The following TTC39A variants were observed in gnomAD, a reference collection of about 807,000 sequenced individuals.
TTC39A encodes the protein tetratricopeptide repeat protein 39A.
Under a neutral mutation model 82.3 loss-of-function variants are expected in TTC39A, and 46 were observed. The observed-to-expected ratio is 0.56, with a 90% CI of 0.44 to 0.71. The LOEUF is 0.71. Among genes scored for constraint, TTC39A ranks in the 30% least tolerant of loss-of-function variants. The probability of loss-of-function intolerance (pLI) is 0.00; values close to 1 mark genes in which losing one functional copy is unlikely to be tolerated. For missense variants in TTC39A, 543 were observed against 712.9 expected, an observed-to-expected ratio of 0.76 and a Z score of 2.71; for synonymous variants, 254 against 275.2, an observed-to-expected ratio of 0.92 and a Z score of 0.76.
At chr1:51,316,181 G>T (rs1168516225) in intron 2 of TTC39A, among the ~76,000 whole-genome samples, 1 of 152,166 alleles carries the variant, frequency 6.6e-6, no homozygotes, top group Non-Finnish European at 1.5e-5. Flanking sequence ...CCAGCACACT[G>T]CCGGGCCCAG....
chr1:51,331,312 A>G, upstream of TTC39A: 1 of 1,538,816 alleles, frequency 6.5e-7, no homozygotes, highest in Non-Finnish European at 8.8e-7. Context: ...CCGAGCCCTG[A>G]GGCGGTGTCT....
At chr1:51,311,431 A>C in intron 4 of TTC39A, 110 bp from the exon 5 acceptor site, 3 of 946,056 alleles carry the variant, frequency 3.2e-6, no homozygotes, top group Non-Finnish European at 4.7e-6. Context: ...CTATGTCAGC[A>C]CCTCTCCTGT....
At chr1:51,327,009 C>T (rs537582326) in intron 1 of TTC39A, among the ~76,000 whole-genome samples, 50 of 152,328 alleles carry the variant, frequency 3.3e-4, no homozygotes, top group African/African-American at 1.2e-3. Flanking sequence ...GAGGCCCAAA[C>T]GAGAAGGGAG....
At chr1:51,333,068 T>A (rs1386466333), upstream of TTC39A, among the ~76,000 whole-genome samples, 8 of 151,872 alleles carry the variant, frequency 5.3e-5, no homozygotes, top group East Asian at 5.8e-4. Context: ...CAAAATTAGA[T>A]AGGCATGGTG....
intron 14 of TTC39A, among the ~76,000 whole-genome samples, chr1:51,292,366 G>A (rs1476020786): frequency 3.3e-5 from 5 of 152,116 alleles, no homozygotes; most frequent in Admixed American, 3.3e-4. Context: ...TTCTAGGAAG[G>A]GAATTTCAGT....
At chr1:51,309,099 G>A (rs940481334) in intron 6 of TTC39A, among the ~76,000 whole-genome samples, 162 bp downstream of exon 6, 4 of 152,200 alleles carry the variant, frequency 2.6e-5, no homozygotes, top group African/African-American at 9.7e-5. Flanking sequence ...GATTCCAGGA[G>A]ACTGAGGTCC....
At chr1:51,309,776 T>C (rs535990571) in intron 5 of TTC39A, among the ~76,000 whole-genome samples, 18 of 152,242 alleles carry the variant, frequency 1.2e-4, no homozygotes, top group African/African-American at 4.1e-4. Flanking sequence ...TGGAAGTTCA[T>C]GATAGCCAAG....
At chr1:51,319,707 T>C (rs80045951) in intron 2 of TTC39A, among the ~76,000 whole-genome samples, 8 of 151,244 alleles carry the variant, frequency 5.3e-5, no homozygotes, top group African/African-American at 1.5e-4. Flanking sequence ...TTTTTTTTTT[T>C]CCAGACAGAG....
intron 1 of TTC39A, among the ~76,000 whole-genome samples, chr1:51,328,527 A>G (rs1345770053): frequency 6.6e-6 from 1 of 152,236 alleles, no homozygotes; most frequent in Non-Finnish European, 1.5e-5. Flanking sequence ...AACAAACTAC[A>G]TATTTTTAAG....
At chr1:51,313,627 A>G (rs540035571) in intron 2 of TTC39A, among the ~76,000 whole-genome samples, 1 of 152,198 alleles carries the variant, frequency 6.6e-6, no homozygotes, top group Non-Finnish European at 1.5e-5. Context: ...AGCCACACTG[A>G]ACCACACAAA....
chr1:51,329,161 T>C (rs1645819518), intron 1 of TTC39A, among the ~76,000 whole-genome samples: 1 of 152,146 alleles, frequency 6.6e-6, no homozygotes, highest in South Asian at 2.1e-4. Flanking sequence ...GGAAGTGGGA[T>C]GAATGTGGTT....
In TTC39A at chr1:51,294,661, G is replaced by T; in HGVS notation, c.1146-150C>A. 8.1e-7 allele frequency: 1 copy of T among 1,240,766 alleles called. No individual in the cohort carries two copies. The highest frequency in any genetic ancestry group is 1.1e-6 in the Non-Finnish European group (1 of 910,530). The allele number at this position is 1,240,766 out of a possible 1,614,324, so 76.9% of individuals were successfully genotyped here. Reference sequence around the variant, plus strand: ...GTGTTAGACTCTAAAGAGCCTTCTAGGTCTGAAATAGCCTGCGGCTATAAT... The same window carrying T: ...GTGTTAGACTCTAAAGAGCCTTCTATGTCTGAAATAGCCTGCGGCTATAAT... On this transcript the variant is annotated intron_variant, in intron 13 of 17. Transcript: ENST00000680483. The surrounding 1 kb of genome is among the most constrained non-coding windows in gnomAD (Gnocchi z 4.3).
chr1:51,342,750 G>A (rs1331972157), intron 1 of TTC39A, among the ~76,000 whole-genome samples: 2 of 152,206 alleles, frequency 1.3e-5, no homozygotes, highest in Admixed American at 1.3e-4. Context: ...GAAGCACAAA[G>A]GCGCATGTGT....
At chr1:51,316,892 C>G (rs554994250) in intron 2 of TTC39A, among the ~76,000 whole-genome samples, 1 of 152,186 alleles carries the variant, frequency 6.6e-6, no homozygotes, top group African/African-American at 2.4e-5. Flanking sequence ...ACCACACACA[C>G]AGCAGTCAGT....
At chr1:51,320,464 T>A (rs1195455482) in intron 2 of TTC39A, among the ~76,000 whole-genome samples, 1 of 143,482 alleles carries the variant, frequency 7.0e-6, no homozygotes, top group Non-Finnish European at 1.5e-5. Context: ...TGTTGCCCCA[T>A]GCTGGAGTGC....
intron 1 of TTC39A, among the ~76,000 whole-genome samples, chr1:51,337,424 ATTT>A (rs1017474435): frequency 6.1e-5 from 8 of 132,074 alleles, no homozygotes; most frequent in Admixed American, 7.7e-5. Flanking sequence ...ATTCTGTTTA[ATTT>A]TTTTTTTTTT....
intron 2 of TTC39A, among the ~76,000 whole-genome samples, chr1:51,320,618 A>AT (rs781296490): frequency 6.7e-6 from 1 of 150,330 alleles, no homozygotes. Flanking sequence ...CACCCAGCTA[A>AT]TTTTTTGTAT....
upstream of TTC39A, among the ~76,000 whole-genome samples, chr1:51,334,195 C>CATAA (rs1553181739): frequency 2.1e-4 from 8 of 38,064 alleles, no homozygotes; most frequent in East Asian, 1.1e-3. Flanking sequence ...CCTGTCTCTA[C>CATAA]AAAAAAAAAA....
intron 6 of TTC39A, among the ~76,000 whole-genome samples, chr1:51,307,807 A>G (rs1644930381): frequency 6.6e-6 from 1 of 152,014 alleles, no homozygotes; most frequent in Non-Finnish European, 1.5e-5. Flanking sequence ...TGATAAATAT[A>G]CATATCATGA....
Sources: allele counts gnomAD v4.1 joint callset (sites outside exome capture counted in the v4.1 genomes callset), GRCh38; gene constraint gnomAD v4.1.1; non-coding constraint Gnocchi (gnomAD v3.1); transcripts MANE v1.5; gene names NCBI Gene and HGNC (gene_info 2026-07-23, HGNC 2026-07-21).